HORMAD2: variants seen among roughly 807,000 people sequenced by gnomAD.
HORMAD2 encodes the protein HORMA domain containing 2.
A neutral mutation model predicts 38.8 loss-of-function variants in HORMAD2; 45 were observed. That is an observed-to-expected ratio of 1.16 (90% CI 0.91 to 1.49). The LOEUF is 1.49. Among genes scored for constraint, HORMAD2 ranks in the 40% most tolerant of loss-of-function variants. The pLI is 0.00. For synonymous variants in HORMAD2, 126 were observed against 122.8 expected (o/e 1.03, Z -0.17); for missense variants, 338 against 367.0 (o/e 0.92, Z 0.65).
chr22:30,111,843 A>G, intron 6 of HORMAD2, 27 bp downstream of exon 6: 1 of 1,550,626 alleles, frequency 6.4e-7, no homozygotes, highest in Non-Finnish European at 8.7e-7. Context: ...TTAAAGACCA[A>G]GCCTCTGTCT....
chr22:30,111,214 A>T (rs1569091687), intron 5 of HORMAD2, among the ~76,000 whole-genome samples: 1 of 151,778 alleles, frequency 6.6e-6, no homozygotes, highest in Non-Finnish European at 1.5e-5. Flanking sequence ...GGCTGGGCAC[A>T]GTGGCTCATG....
the HORMAD2 span, among the ~76,000 whole-genome samples, chr22:30,196,609 CAG>C: frequency 6.6e-6 from 1 of 152,170 alleles, no homozygotes; most frequent in Non-Finnish European, 1.5e-5. Flanking sequence ...AACCAAGAAA[CAG>C]AGGGGCCAGG....
chr22:30,180,463 A>G (rs1043589890), downstream of HORMAD2, among the ~76,000 whole-genome samples: 2 of 152,180 alleles, frequency 1.3e-5, no homozygotes, highest in Admixed American at 6.5e-5. Flanking sequence ...GCTCTAGGGT[A>G]AGCAAGCAAA....
intron 10 of HORMAD2, among the ~76,000 whole-genome samples, chr22:30,166,123 A>G (rs887827357): frequency 6.6e-6 from 1 of 151,864 alleles, no homozygotes; most frequent in Non-Finnish European, 1.5e-5. Context: ...TCCAACAGAC[A>G]TATTATTGGA....
At chr22:30,078,539 G>A (rs8135915), upstream of HORMAD2, among the ~76,000 whole-genome samples, 17 of 143,558 alleles carry the variant, frequency 1.2e-4, no homozygotes, top group African/African-American at 4.4e-4. Flanking sequence ...CTGGGAGGTG[G>A]AGGTGGCAGC....
chr22:30,158,841 C>A, intron 10 of HORMAD2, among the ~76,000 whole-genome samples: 1 of 151,744 alleles, frequency 6.6e-6, no homozygotes, highest in East Asian at 1.9e-4. Flanking sequence ...CACGCCACCG[C>A]TCTTGGCTGA....
chr22:30,106,714 C>T (rs1010280621), intron 5 of HORMAD2, among the ~76,000 whole-genome samples: 3 of 152,226 alleles, frequency 2.0e-5, no homozygotes, highest in African/African-American at 7.2e-5. Context: ...TGTCACTTAA[C>T]ACCTGTGTGA....
At chr22:30,148,035 T>G (rs188102854) in intron 10 of HORMAD2, among the ~76,000 whole-genome samples, 1 of 152,226 alleles carries the variant, frequency 6.6e-6, no homozygotes, top group Non-Finnish European at 1.5e-5. Context: ...AAAAGACCTG[T>G]ACATTAATGT....
chr22:30,165,896 A>T (rs1164891227), intron 10 of HORMAD2, among the ~76,000 whole-genome samples: 1 of 151,704 alleles, frequency 6.6e-6, no homozygotes, highest in African/African-American at 2.4e-5. Context: ...AGCTTTTGAT[A>T]TCTGGTAGGG....
chr22:30,116,335 G>T (rs1922044569), intron 7 of HORMAD2, among the ~76,000 whole-genome samples: 1 of 152,116 alleles, frequency 6.6e-6, no homozygotes, highest in Non-Finnish European at 1.5e-5. Context: ...GCTAATGGGG[G>T]TTTTTAAGAA....
the HORMAD2 span, among the ~76,000 whole-genome samples, chr22:30,202,452 A>G: frequency 7.2e-5 from 11 of 152,072 alleles, no homozygotes; most frequent in South Asian, 2.1e-3. Flanking sequence ...TAAAAAAAAA[A>G]AAAGATTGAA....
the HORMAD2 span, among the ~76,000 whole-genome samples, chr22:30,189,612 A>G: frequency 6.6e-6 from 1 of 152,082 alleles, no homozygotes; most frequent in Admixed American, 6.6e-5. Context: ...CACCTGTACC[A>G]CGTACATGGC....
intron 10 of HORMAD2, among the ~76,000 whole-genome samples, chr22:30,163,682 C>G (rs1348021022): frequency 6.6e-6 from 1 of 152,186 alleles, no homozygotes; most frequent in Non-Finnish European, 1.5e-5. Context: ...CCTGCCTCAG[C>G]CTCCCAAAAT....
intron 10 of HORMAD2, 28 bp downstream of exon 10, chr22:30,122,242 T>C: frequency 6.3e-7 from 1 of 1,584,128 alleles, no homozygotes; most frequent in Non-Finnish European, 8.6e-7. Flanking sequence ...AGATTTTCTA[T>C]CGTGTCAGTT....
chr22:30,081,872 A>G lies in HORMAD2; in HGVS notation c.-38+1381A>G, dbSNP rs561983889. On this transcript the variant is annotated intron_variant, in intron 1 of 10. Transcript: ENST00000336726. ...AGTGCTGGGATTACAGGTGTGAGCC[A>G]CTGCACCTGGCCCCTTTTCTTTATA... 3.9e-5 allele frequency among the ~76,000 whole-genome samples: 6 copies of G among 152,246 alleles called. No homozygotes were observed. The East Asian group carries it at 1.2e-3, about 29-fold the overall frequency.
At chr22:30,090,719 A>G (rs1469394398) in intron 1 of HORMAD2, among the ~76,000 whole-genome samples, 2 of 152,312 alleles carry the variant, frequency 1.3e-5, no homozygotes, top group East Asian at 3.9e-4. Context: ...CCATTTTTGA[A>G]TAATCATTTA....
At chr22:30,169,483 A>C (rs1186044046) in intron 10 of HORMAD2, among the ~76,000 whole-genome samples, 1 of 152,238 alleles carries the variant, frequency 6.6e-6, no homozygotes, top group Admixed American at 6.5e-5. Flanking sequence ...TATGAGCCTA[A>C]GAAGAATACA....
chr22:30,173,228 A>G (rs916830328), intron 10 of HORMAD2, among the ~76,000 whole-genome samples: 1 of 152,234 alleles, frequency 6.6e-6, no homozygotes, highest in African/African-American at 2.4e-5. Context: ...TCTGAGGTCC[A>G]TGGGAAGTTA....
intron 1 of HORMAD2, among the ~76,000 whole-genome samples, chr22:30,089,748 A>C (rs943102641): frequency 6.6e-6 from 1 of 152,148 alleles, no homozygotes; most frequent in African/African-American, 2.4e-5. Flanking sequence ...GAAACTCAAC[A>C]CCTCAGCTTT....
Sources: gnomAD v4.1 joint callset for allele counts (sites outside exome capture counted in the v4.1 genomes callset) on GRCh38, gnomAD v4.1.1 for gene constraint, MANE v1.5 for transcripts, NCBI Gene and HGNC (gene_info 2026-07-23, HGNC 2026-07-21) for gene names.